Variants in TASP1 observed in about 807,000 individuals in gnomAD.
TASP1 encodes taspase 1, also known as threonine aspartase 1.
Under a neutral mutation model 56.6 loss-of-function variants are expected in TASP1, and 16 were observed. That is an observed-to-expected ratio of 0.28 (90% CI 0.19 to 0.43). The LOEUF (loss-of-function observed/expected upper bound fraction) is 0.43, where lower values mean the gene tolerates loss of function less well. Among genes scored for constraint, TASP1 ranks in the 20% least tolerant of loss-of-function variants. The pLI, the probability that TASP1 is intolerant of heterozygous loss-of-function variation, is 1.00. For missense variants in TASP1, 393 were observed against 511.6 expected (o/e 0.77, Z 2.24); for synonymous variants, 179 against 184.2 (o/e 0.97, Z 0.23).
intron 4 of TASP1, chr20:13,600,714 A>G (rs994030801): frequency 6.6e-6 from 1 of 152,118 alleles, no homozygotes; most frequent in South Asian, 2.1e-4. Context: ...AAATAATTGA[A>G]TTTTATCACT....
At chr20:13,192,954 G>A in the TASP1 span, among the ~76,000 whole-genome samples, 1 of 152,118 alleles carries the variant, frequency 6.6e-6, no homozygotes, top group African/African-American at 2.4e-5. Context: ...CAAGGTACAG[G>A]AGAGAAAAAT....
At chr20:13,391,209 CTG>C (rs2041261667) in intron 13 of TASP1, among the ~76,000 whole-genome samples, 1 of 152,100 alleles carries the variant, frequency 6.6e-6, no homozygotes, top group Non-Finnish European at 1.5e-5. Flanking sequence ...AAAGAGGGCA[CTG>C]TGTTTAGTGA....
chr20:13,406,010 A>C (rs2041905839), intron 13 of TASP1, among the ~76,000 whole-genome samples: 1 of 152,218 alleles, frequency 6.6e-6, no homozygotes, highest in Non-Finnish European at 1.5e-5. Context: ...ATTCCTGCTG[A>C]TTCCAAAGCT....
At chr20:13,197,206 T>G in the TASP1 span, among the ~76,000 whole-genome samples, 1 of 152,180 alleles carries the variant, frequency 6.6e-6, no homozygotes, top group South Asian at 2.1e-4. Flanking sequence ...CTCTTTATGA[T>G]AGTACCATCA....
At chr20:13,421,338 G>C (rs1004014591) in intron 12 of TASP1, among the ~76,000 whole-genome samples, 9 of 151,948 alleles carry the variant, frequency 5.9e-5, no homozygotes, top group Admixed American at 2.0e-4. Flanking sequence ...GCTTTTCAAA[G>C]TGCTGGGATT....
the TASP1 span, among the ~76,000 whole-genome samples, chr20:13,361,437 T>C: frequency 1.8e-4 from 28 of 152,122 alleles, no homozygotes; most frequent in Non-Finnish European, 4.0e-4. Flanking sequence ...CTTACGGTCC[T>C]CCATCTTCAA....
chr20:13,377,960 CTCTTT>C, the TASP1 span, among the ~76,000 whole-genome samples: 1 of 152,066 alleles, frequency 6.6e-6, no homozygotes, highest in Non-Finnish European at 1.5e-5. Flanking sequence ...TGATTCTTCT[CTCTTT>C]TCTTCTTTAT....
chr20:13,220,750 T>A, the TASP1 span, among the ~76,000 whole-genome samples: 1 of 152,170 alleles, frequency 6.6e-6, no homozygotes, highest in Non-Finnish European at 1.5e-5. Context: ...ACTTTGGCAC[T>A]CCTCCTCTCC....
At chr20:13,624,829 T>A (rs546949556) in intron 3 of TASP1, among the ~76,000 whole-genome samples, 1 of 152,290 alleles carries the variant, frequency 6.6e-6, no homozygotes, top group African/African-American at 2.4e-5. Context: ...ATTTTAATTT[T>A]TTTATTTATT....
the TASP1 span, among the ~76,000 whole-genome samples, chr20:13,248,753 T>C: frequency 6.6e-6 from 1 of 152,212 alleles, no homozygotes; most frequent in East Asian, 1.9e-4. Flanking sequence ...GCCGTTCCCT[T>C]GATCCCCAGA....
chr20:13,609,323 C>G (rs566201343), intron 4 of TASP1, among the ~76,000 whole-genome samples: 42 of 152,136 alleles, frequency 2.8e-4, no homozygotes, highest in Admixed American at 6.5e-4. Context: ...AAAATTATAA[C>G]CTTGCATATT....
the TASP1 span, among the ~76,000 whole-genome samples, chr20:13,262,214 C>T: frequency 2.6e-5 from 4 of 152,174 alleles, no homozygotes; most frequent in Admixed American, 6.5e-5. Context: ...GGTGGCTGAA[C>T]TCTAACAGGG....
intron 10 of TASP1, among the ~76,000 whole-genome samples, chr20:13,509,494 C>T (rs1312590779): frequency 3.3e-5 from 5 of 152,092 alleles, no homozygotes; most frequent in Non-Finnish European, 5.9e-5. Flanking sequence ...TTTATTCTCA[C>T]GACACCAAAA....
chr20:13,191,346 C>A, the TASP1 span, among the ~76,000 whole-genome samples: 1 of 152,206 alleles, frequency 6.6e-6, no homozygotes, highest in Non-Finnish European at 1.5e-5. Context: ...ACTAAGTGTC[C>A]ATTAACACAT....
downstream of TASP1, among the ~76,000 whole-genome samples, chr20:13,385,750 G>C (rs368029554): frequency 6.6e-6 from 1 of 152,192 alleles, no homozygotes; most frequent in Non-Finnish European, 1.5e-5. Flanking sequence ...CTACCAGAGG[G>C]GGAAACTGAA....
intron 10 of TASP1, among the ~76,000 whole-genome samples, chr20:13,525,806 C>T (rs993405375): frequency 3.9e-5 from 6 of 152,118 alleles, no homozygotes; most frequent in Admixed American, 6.6e-5. Context: ...CAAAGTCCAA[C>T]GGACAAGAGG....
intron 11 of TASP1, among the ~76,000 whole-genome samples, chr20:13,471,645 C>T (rs1393287409): frequency 6.6e-6 from 1 of 152,164 alleles, no homozygotes; most frequent in Non-Finnish European, 1.5e-5. Flanking sequence ...TCCAAGGTCT[C>T]CTTCCTCCAA....
the TASP1 span, among the ~76,000 whole-genome samples, chr20:13,143,767 T>C: frequency 6.6e-6 from 1 of 152,230 alleles, no homozygotes; most frequent in Non-Finnish European, 1.5e-5. Context: ...TTGCACGGTT[T>C]CTCAGAGCCC....
the TASP1 span, among the ~76,000 whole-genome samples, chr20:13,304,669 G>A: frequency 2.0e-5 from 3 of 152,156 alleles, no homozygotes; most frequent in East Asian, 1.9e-4. Context: ...TCAACTGTTT[G>A]GTGATCTTGG....
Sources: gnomAD v4.1 joint callset for allele counts (sites outside exome capture counted in the v4.1 genomes callset) on GRCh38, gnomAD v4.1.1 for gene constraint, MANE v1.5 for transcripts, NCBI Gene and HGNC (gene_info 2026-07-23, HGNC 2026-07-21) for gene names.